The following AGMO variants were observed in gnomAD, a reference collection of about 807,000 sequenced individuals.
AGMO encodes alkylglycerol monooxygenase, also known as glyceryl-ether monooxygenase.
AGMO carries 75 observed loss-of-function variants against 60.2 expected under a neutral mutation model. That is an observed-to-expected ratio of 1.25 (90% CI 1.03 to 1.51). The LOEUF (loss-of-function observed/expected upper bound fraction) is 1.51, where lower values mean the gene tolerates loss of function less well. Among genes scored for constraint, AGMO ranks in the 40% most tolerant of loss-of-function variants. The probability of loss-of-function intolerance (pLI) is 0.00; values close to 1 mark genes in which losing one functional copy is unlikely to be tolerated. For synonymous variants in AGMO, 261 were observed against 177.1 expected (o/e 1.47, Z -3.76); for missense variants, 763 against 525.5 (o/e 1.45, Z -4.42).
intron 12 of AGMO, among the ~76,000 whole-genome samples, chr7:15,260,412 A>G (rs188558748): frequency 2.7e-4 from 41 of 152,212 alleles, no homozygotes; most frequent in African/African-American, 9.4e-4. Flanking sequence ...CAGTTAAAAA[A>G]GACAGAGAGG....
chr7:15,145,154 C>A, the AGMO span, among the ~76,000 whole-genome samples: 8 of 152,160 alleles, frequency 5.3e-5, no homozygotes, highest in African/African-American at 1.9e-4. Flanking sequence ...TCATCAATAG[C>A]GTCAAAATAT....
the AGMO span, among the ~76,000 whole-genome samples, chr7:15,124,131 T>A: frequency 6.6e-6 from 1 of 152,182 alleles, no homozygotes; most frequent in South Asian, 2.1e-4. Flanking sequence ...CACATAGAGT[T>A]TCACTGTGTG....
At position 15,510,066 on chromosome 7, in the gene AGMO, C is replaced by A. The variant is rs112568893; in HGVS notation, c.409+34706G>T. On this transcript the variant is annotated intron_variant, in intron 3 of 12. Coordinates refer to ENST00000342526, the MANE Select transcript of AGMO (RefSeq NM_001004320.2). ...ATACAGCAACCCTTCTTCTGGTTAA[C>A]ATATCAAAAGGAAATAAAACCAGTA... Among the ~76,000 whole-genome samples the A allele has an allele frequency of 3.8e-3, 586 of 152,222 alleles. 6 individuals carry two copies. The highest frequency in any genetic ancestry group is 7.1e-3 in the Non-Finnish European group (485 of 68,000).
downstream of AGMO, among the ~76,000 whole-genome samples, chr7:15,199,731 G>T (rs1781225739): frequency 6.6e-6 from 1 of 151,998 alleles, no homozygotes; most frequent in Admixed American, 6.6e-5. Flanking sequence ...TGTTGTTAAG[G>T]GACAAAAGCA....
Position 15,201,134 on chromosome 7 carries a change from T to C in AGMO, c.*151A>G, listed in dbSNP as rs1263283015. On this transcript the variant is annotated 3_prime_UTR_variant, in exon 13 of 13. Coordinates refer to ENST00000342526, the MANE Select transcript of AGMO (RefSeq NM_001004320.2). ...AATTTTTAATAGAAAATAACAAATG[T>C]GAAAGGCAAACAATAGTAAATAAGT... 1 of 489,534 alleles carries C rather than the reference T, an allele frequency of 2.0e-6. No individual in the cohort carries two copies. The highest frequency in any genetic ancestry group is 3.4e-6 in the Non-Finnish European group (1 of 293,666). 30.3% of individuals were successfully genotyped at this position (489,534 alleles called of 1,614,324 possible).
the AGMO span, among the ~76,000 whole-genome samples, chr7:15,174,263 T>C: frequency 1.3e-5 from 2 of 152,086 alleles, no homozygotes; most frequent in East Asian, 3.9e-4. Context: ...TCCACAGATA[T>C]GTAAATACAT....
chr7:15,456,359 T>C (rs564093179), intron 3 of AGMO, among the ~76,000 whole-genome samples: 69 of 152,148 alleles, frequency 4.5e-4, no homozygotes, highest in Non-Finnish European at 9.4e-4. Context: ...ACTTGGTTTT[T>C]ATATTGACTT....
chr7:15,505,652 T>G (rs768485995), intron 3 of AGMO, among the ~76,000 whole-genome samples: 3 of 152,018 alleles, frequency 2.0e-5, no homozygotes. Context: ...GAACATAACA[T>G]GAACATAACA....
Position 15,387,559 on chromosome 7 carries a change from G to C in AGMO, c.823-19C>G, listed in dbSNP as rs1325485006. The C allele has an allele frequency of 6.4e-7, 1 of 1,563,398 alleles. No individual in the cohort carries two copies. Among genetic ancestry groups the C allele is most frequent in the Non-Finnish European group, 8.7e-7 (1 of 1,155,144 alleles). On this transcript the variant is annotated intron_variant, in intron 8 of 12. Coordinates refer to ENST00000342526, the MANE Select transcript of AGMO (RefSeq NM_001004320.2). ...GATGGAACTAGAAACAATAAAAAAA[G>C]AGCTTATTTCACATAAGATAAATAG...
At chr7:15,527,912 T>C (rs978588343) in intron 3 of AGMO, among the ~76,000 whole-genome samples, 4 of 152,156 alleles carry the variant, frequency 2.6e-5, no homozygotes, top group African/African-American at 9.7e-5. Context: ...AAGCTTAGTA[T>C]TGAGATGTAT....
At chr7:15,342,815 ATTCTACCTCTAC>A (rs1163223820) in intron 12 of AGMO, among the ~76,000 whole-genome samples, 34 of 143,266 alleles carry the variant, frequency 2.4e-4, no homozygotes, top group African/African-American at 8.1e-4. Flanking sequence ...ATTGATCTGA[ATTCTACCTCTAC>A]AACTTATGAC....
the AGMO span, among the ~76,000 whole-genome samples, chr7:15,140,627 T>G: frequency 1.3e-5 from 2 of 152,304 alleles, no homozygotes; most frequent in African/African-American, 4.8e-5. Flanking sequence ...TAATATTTTC[T>G]AGTTCATCGG....
At chr7:15,369,404 C>T (rs952021955) in intron 10 of AGMO, among the ~76,000 whole-genome samples, 1 of 152,082 alleles carries the variant, frequency 6.6e-6, no homozygotes, top group Admixed American at 6.6e-5. Flanking sequence ...CACTATTAAT[C>T]CCTAGTGTTC....
intron 3 of AGMO, among the ~76,000 whole-genome samples, chr7:15,533,682 C>T (rs1784421072): frequency 6.6e-6 from 1 of 152,026 alleles, no homozygotes; most frequent in Admixed American, 6.6e-5. Context: ...CACTATATTC[C>T]TATATTTCTA....
the AGMO span, among the ~76,000 whole-genome samples, chr7:15,166,735 T>C: frequency 6.6e-6 from 1 of 152,208 alleles, no homozygotes; most frequent in Admixed American, 6.5e-5. Context: ...CATATATTTT[T>C]ACTGTAACAT....
At position 15,382,157 on chromosome 7, in the gene AGMO, CG is replaced by C. The variant is rs1195142005; in HGVS notation, c.1074+3288del. Among the ~76,000 whole-genome samples the C allele has an allele frequency of 2.0e-5, 3 of 152,116 alleles. No homozygotes were observed. In the East Asian group the frequency reaches 5.8e-4, roughly 29 times the overall value. On this transcript the variant is annotated intron_variant, in intron 10 of 12. Coordinates refer to ENST00000342526, the MANE Select transcript of AGMO (RefSeq NM_001004320.2). ...TGTAACAAAACTGCACATGTACCCCCGAACTTAAAATAAAAGTTTAAAAAAA... is the reference window on the plus strand; with the variant it reads ...TGTAACAAAACTGCACATGTACCCCCAACTTAAAATAAAAGTTTAAAAAAA...
intron 6 of AGMO, among the ~76,000 whole-genome samples, chr7:15,393,184 C>G: frequency 6.6e-6 from 1 of 152,232 alleles, no homozygotes; most frequent in Non-Finnish European, 1.5e-5. Flanking sequence ...GCCCTCTGAT[C>G]TGGCCTCTCC....
rs886178054 is a variant in AGMO, at chr7:15,281,800, A to G, written c.1264-80441T>C. ...AAATAAATTATTGAGGGGAAAATAG[A>G]TTTTTAAATAAGTGTACACCACAAG... On this transcript the variant is annotated intron_variant, in intron 12 of 12. Transcript: ENST00000342526. Among the ~76,000 whole-genome samples, 13 of 152,290 alleles carry G rather than the reference A, an allele frequency of 8.5e-5. 1 individual carries two copies. The South Asian group carries it at 1.7e-3, about 19-fold the overall frequency.
intron 12 of AGMO, among the ~76,000 whole-genome samples, chr7:15,341,829 G>A (rs955347202): frequency 7.9e-5 from 12 of 152,118 alleles, no homozygotes; most frequent in Admixed American, 5.9e-4. Flanking sequence ...AAGGCAGCTA[G>A]CAAGAGGGTG....
Sources: gnomAD v4.1 joint callset for allele counts (sites outside exome capture counted in the v4.1 genomes callset) on GRCh38, gnomAD v4.1.1 for gene constraint, MANE v1.5 for transcripts, NCBI Gene and HGNC (gene_info 2026-07-23, HGNC 2026-07-21) for gene names.